The following COL25A1 variants were observed in gnomAD, a reference collection of about 807,000 sequenced individuals.
COL25A1 encodes the protein collagen type XXV alpha 1 chain.
In COL25A1, 103 loss-of-function variants were observed where a neutral mutation model predicts 128.4. The ratio of observed to expected loss-of-function variants is 0.80; its 90% CI spans 0.68 to 0.94. The LOEUF (loss-of-function observed/expected upper bound fraction) is 0.94. Among genes scored for constraint, COL25A1 ranks in the 40% least tolerant of loss-of-function variants. COL25A1 has a pLI of 0.00. For missense variants in COL25A1, 745 were observed against 840.0 expected (o/e 0.89, Z 1.40); for synonymous variants, 279 against 277.2 (o/e 1.01, Z -0.06).
intron 6 of COL25A1, among the ~76,000 whole-genome samples, chr4:108,985,534 A>G (rs1753587234): frequency 6.6e-6 from 1 of 152,220 alleles, no homozygotes; most frequent in African/African-American, 2.4e-5. Context: ...AAAAATAAAC[A>G]TGAGTTGAAA....
chr4:109,027,344 G>C (rs1216981588), intron 5 of COL25A1, among the ~76,000 whole-genome samples: 1 of 152,132 alleles, frequency 6.6e-6, no homozygotes, highest in Non-Finnish European at 1.5e-5. Flanking sequence ...TAAGATGGAG[G>C]TGTGCTTAGC....
At chr4:109,207,157 T>C (rs1350092967) in intron 3 of COL25A1, among the ~76,000 whole-genome samples, 1 of 152,154 alleles carries the variant, frequency 6.6e-6, no homozygotes, top group Non-Finnish European at 1.5e-5. Context: ...ACTTCTTTGC[T>C]TTTAGGGGAA....
Position 109,031,434 on chromosome 4 carries a change from T to TAAA in COL25A1, c.420+16731_420+16733dup, listed in dbSNP as rs1491164048. Among the ~76,000 whole-genome samples the TAAA allele has an allele frequency of 1.5e-4, 23 of 150,940 alleles. No homozygotes were observed. The South Asian group carries it at 4.6e-3, about 30-fold the overall frequency. Reference sequence around the variant, plus strand: ...CCAGGCCATGTTACAATACTTTTTTTAAAAAAAAAGAATTTACGCAAATCA... The same window carrying TAAA: ...CCAGGCCATGTTACAATACTTTTTTTAAAAAAAAAAAAGAATTTACGCAAATCA... On this transcript the variant is annotated intron_variant, in intron 5 of 37. Coordinates refer to ENST00000399132, the MANE Select transcript of COL25A1 (RefSeq NM_198721.4).
At chr4:108,987,202 C>G (rs1753730697) in intron 6 of COL25A1, among the ~76,000 whole-genome samples, 1 of 152,120 alleles carries the variant, frequency 6.6e-6, no homozygotes, top group Admixed American at 6.6e-5. Context: ...CTTATCTTCC[C>G]CAATTCTCCA....
At position 108,812,128 on chromosome 4, in the gene COL25A1, G is replaced by A. The variant is rs1236599369; in HGVS notation, c.*1799C>T. On this transcript the variant is annotated 3_prime_UTR_variant, in exon 38 of 38. Coordinates refer to ENST00000399132, the MANE Select transcript of COL25A1 (RefSeq NM_198721.4). The stretch of plus-strand genomic sequence containing the variant: ...CTTAGAATAAGCCATTTCAAAACAC[G>A]CTACCAACTCTTTACTGTGCAAAGA... 2.6e-5 allele frequency: 4 copies of A among 152,094 alleles called. No homozygotes were observed. Among genetic ancestry groups the A allele is most frequent in the East Asian group, 3.9e-4 (2 of 5,188 alleles). The allele number at this position is 152,094 out of a possible 1,614,324, so 9.4% of individuals were successfully genotyped here.
intron 3 of COL25A1, among the ~76,000 whole-genome samples, chr4:109,063,400 G>GATTACAA (rs1276316046): frequency 6.6e-6 from 1 of 151,936 alleles, no homozygotes; most frequent in African/African-American, 2.4e-5. Context: ...CTACTCAGGA[G>GATTACAA]GCTGAGGCAG....
At chr4:109,188,940 G>A (rs1304684815) in intron 3 of COL25A1, among the ~76,000 whole-genome samples, 1 of 151,814 alleles carries the variant, frequency 6.6e-6, no homozygotes. Flanking sequence ...GTAGGGGGCA[G>A]GGGAAGTAAT....
At chr4:109,146,310 T>C (rs1466185619) in intron 3 of COL25A1, among the ~76,000 whole-genome samples, 1 of 152,212 alleles carries the variant, frequency 6.6e-6, no homozygotes, top group Non-Finnish European at 1.5e-5. Flanking sequence ...TTACATCTTA[T>C]TTGCAATTTC....
intron 8 of COL25A1, among the ~76,000 whole-genome samples, chr4:108,953,051 T>C (rs555183916): frequency 6.6e-6 from 1 of 152,262 alleles, no homozygotes; most frequent in East Asian, 1.9e-4. Flanking sequence ...ATGCCTATAA[T>C]GGATGGAAAA....
At chr4:109,103,152 T>A (rs905596044) in intron 3 of COL25A1, among the ~76,000 whole-genome samples, 47 of 152,274 alleles carry the variant, frequency 3.1e-4, no homozygotes, top group African/African-American at 1.0e-3. Flanking sequence ...TACAAAGAGA[T>A]CTTATTTCAT....
intron 24 of COL25A1, among the ~76,000 whole-genome samples, chr4:108,855,536 C>A (rs1369434672): frequency 6.6e-6 from 1 of 151,988 alleles, no homozygotes. Context: ...AAGGGATTTT[C>A]AAATTTGAGC....
At chr4:109,059,535 T>C (rs962340316) in intron 3 of COL25A1, among the ~76,000 whole-genome samples, 3 of 152,238 alleles carry the variant, frequency 2.0e-5, no homozygotes, top group African/African-American at 7.2e-5. Context: ...TTTTAGCTTT[T>C]CATTTTAAAG....
intron 10 of COL25A1, among the ~76,000 whole-genome samples, chr4:108,939,267 T>G (rs1192868428): frequency 6.6e-6 from 1 of 152,224 alleles, no homozygotes; most frequent in Non-Finnish European, 1.5e-5. Flanking sequence ...CCTTTTGGAA[T>G]ATCATCATGA....
At chr4:108,859,573 T>G in intron 24 of COL25A1, 83 bp downstream of exon 24, 1 of 1,122,414 alleles carries the variant, frequency 8.9e-7, no homozygotes, top group Non-Finnish European at 1.3e-6. Flanking sequence ...ATAGAGGGTG[T>G]GGAAGCTCAT....
intron 13 of COL25A1, among the ~76,000 whole-genome samples, chr4:108,916,319 T>C (rs954030970): frequency 2.0e-5 from 3 of 152,200 alleles, no homozygotes; most frequent in African/African-American, 7.2e-5. Flanking sequence ...ACTGCAAATA[T>C]TAACTATTTC....
chr4:109,061,530 G>A (rs1026866376), intron 3 of COL25A1, among the ~76,000 whole-genome samples: 4 of 152,202 alleles, frequency 2.6e-5, no homozygotes, highest in Non-Finnish European at 4.4e-5. Flanking sequence ...GAAATGTCAT[G>A]CATATAAAAA....
intron 3 of COL25A1, among the ~76,000 whole-genome samples, chr4:109,073,964 T>C (rs1022217009): frequency 1.3e-5 from 2 of 152,192 alleles, no homozygotes; most frequent in African/African-American, 4.8e-5. Flanking sequence ...ATGTAGATTA[T>C]TTAGGCCAGT....
intron 11 of COL25A1, among the ~76,000 whole-genome samples, chr4:108,932,266 T>G (rs1746843931): frequency 6.6e-6 from 1 of 152,240 alleles, no homozygotes; most frequent in Non-Finnish European, 1.5e-5. Flanking sequence ...GTATTTCAAT[T>G]TTATTTTAAA....
chr4:109,218,492 C>T (rs1173318589), intron 3 of COL25A1, among the ~76,000 whole-genome samples: 1 of 151,200 alleles, frequency 6.6e-6, no homozygotes, highest in Non-Finnish European at 1.5e-5. Flanking sequence ...GATGTGCCTC[C>T]ACCCATCTCA....
Sources: allele counts gnomAD v4.1 joint callset (sites outside exome capture counted in the v4.1 genomes callset), GRCh38; gene constraint gnomAD v4.1.1; transcripts MANE v1.5; gene names NCBI Gene and HGNC (gene_info 2026-07-23, HGNC 2026-07-21).